SDR9C7: variants seen among roughly 807,000 people sequenced by gnomAD.
SDR9C7 encodes short chain dehydrogenase/reductase family 9C member 7, also known as short-chain dehydrogenase/reductase family 9C member 7.
A neutral mutation model predicts 23.6 loss-of-function variants in SDR9C7; 11 were observed. The ratio of observed to expected loss-of-function variants is 0.47; its 90% CI spans 0.29 to 0.77. The LOEUF is 0.77. SDR9C7 is among the 30% of genes least tolerant of loss of function. The pLI, the probability that SDR9C7 is intolerant of heterozygous loss-of-function variation, is 0.09. For synonymous variants in SDR9C7, 167 were observed against 157.3 expected, an observed-to-expected ratio of 1.06 and a Z score of -0.46; for missense variants, 387 against 407.1, an observed-to-expected ratio of 0.95 and a Z score of 0.42.
Position 56,934,333 on chromosome 12 carries a change from G to T in SDR9C7, c.-72C>A. ...AGCAGGGAAGAAGCTGGTCCTCTGAGCCCTAGCAGGCAGTCTGCAGGAAAC... is the reference window on the plus strand; with the variant it reads ...AGCAGGGAAGAAGCTGGTCCTCTGATCCCTAGCAGGCAGTCTGCAGGAAAC... On this transcript the variant is annotated 5_prime_UTR_variant, in exon 1 of 4. Coordinates refer to ENST00000293502, the MANE Select transcript of SDR9C7 (RefSeq NM_148897.3). 7.4e-7 allele frequency: 1 copy of T among 1,345,658 alleles called. No individual in the cohort carries two copies. Among genetic ancestry groups the T allele is most frequent in the South Asian group, 1.3e-5 (1 of 74,184 alleles). The allele number at this position is 1,345,658 out of a possible 1,614,324, so 83.4% of individuals were successfully genotyped here.
intron 3 of SDR9C7, among the ~76,000 whole-genome samples, chr12:56,925,613 A>C (rs1955728501): frequency 6.6e-6 from 1 of 152,144 alleles, no homozygotes; most frequent in South Asian, 2.1e-4. Context: ...TGCAGGGGAA[A>C]AGCCAAACTA....
In SDR9C7 at chr12:56,930,444, G is replaced by A. The variant is rs770313029; in HGVS notation, c.342C>T (p.Pro114=). 48 of 1,614,038 alleles carry A rather than the reference G, an allele frequency of 3.0e-5. No homozygotes were observed. Among genetic ancestry groups the A allele is most frequent in the Non-Finnish European group, 4.1e-5 (48 of 1,180,024 alleles). ...TGGTCAGCCATTCGTTGGGACCACT[G>A]GGCAGGCCCACACCAGCATTGTTCA... ...ALVNNAGVGL[P]SGPNEWLTKD... Residue 114 remains proline (P), a synonymous_variant, in exon 2 of 4, where the codon CCC becomes CCT. Transcript: ENST00000293502.
intron 1 of SDR9C7, among the ~76,000 whole-genome samples, chr12:56,931,329 C>T (rs1017872436): frequency 1.3e-5 from 2 of 151,760 alleles, no homozygotes; most frequent in African/African-American, 2.4e-5. Context: ...AACAACACAG[C>T]ATCTTATCCC....
intron 1 of SDR9C7, among the ~76,000 whole-genome samples, chr12:56,931,310 C>A (rs1360543694): frequency 6.6e-6 from 1 of 151,690 alleles, no homozygotes; most frequent in Non-Finnish European, 1.5e-5. Flanking sequence ...GCAAAGGAGA[C>A]ATAAAATGAA....
At chr12:56,924,078 G>C (rs1375581866) in intron 3 of SDR9C7, 28 bp from the exon 4 acceptor site, 3 of 1,480,206 alleles carry the variant, frequency 2.0e-6, no homozygotes, top group Non-Finnish European at 2.8e-6. Flanking sequence ...GGGGAAAAAG[G>C]CTCTGTTATT....
At chr12:56,928,075 C>G (rs1461065911) in intron 3 of SDR9C7, among the ~76,000 whole-genome samples, 2 of 152,150 alleles carry the variant, frequency 1.3e-5, no homozygotes, top group African/African-American at 4.8e-5. Flanking sequence ...TTCCCTAAAT[C>G]AATGAATGAA....
intron 3 of SDR9C7, among the ~76,000 whole-genome samples, chr12:56,926,070 G>T (rs905898305): frequency 6.6e-6 from 1 of 152,236 alleles, no homozygotes; most frequent in South Asian, 2.1e-4. Context: ...CTCCTTCACA[G>T]TGAGGAAGGA....
chr12:56,923,988 T>C lies in SDR9C7; in HGVS notation c.787A>G (p.Ser263Gly). 2 of 1,614,210 alleles carry C rather than the reference T, an allele frequency of 1.2e-6. No individual in the cohort carries two copies. The highest frequency in any genetic ancestry group is 1.7e-6 in the Non-Finnish European group (2 of 1,180,026). ...CGGGAAACAATAGCATGCTCCATGC[T>C]GTTGATGACATCTCTGACTCTGGGC... Reference protein sequence around the residue: ...AEPRVRDVINSMEHAIVSRSP... With the variant: ...AEPRVRDVINGMEHAIVSRSP... Residue 263 changes from serine (S) to glycine (G), a missense_variant, in exon 4 of 4, where the codon AGC becomes GGC. Ser to Gly is a moderately conservative substitution (Grantham distance 56). Coordinates refer to ENST00000293502, the MANE Select transcript of SDR9C7 (RefSeq NM_148897.3).
chr12:56,925,802 C>T (rs901042244), intron 3 of SDR9C7, among the ~76,000 whole-genome samples: 3 of 152,140 alleles, frequency 2.0e-5, no homozygotes, highest in South Asian at 2.1e-4. Flanking sequence ...TCTGCCCCCT[C>T]GGCGCCAGGG....
chr12:56,923,732 A>G lies in SDR9C7; in HGVS notation c.*101T>C, dbSNP rs569608549. ...GTCAGCTGAGCCAAGCTTCCTTTGC[A>G]GCCAATGCCCCCAGGATAACCGATA... is the stretch of plus-strand genomic sequence containing the variant. On this transcript the variant is annotated 3_prime_UTR_variant, in exon 4 of 4. Coordinates refer to ENST00000293502, the MANE Select transcript of SDR9C7 (RefSeq NM_148897.3). The G allele has an allele frequency of 2.1e-6, 2 of 955,322 alleles. No homozygotes were observed. The highest frequency in any genetic ancestry group is 3.1e-6 in the Non-Finnish European group (2 of 641,370). The allele number at this position is 955,322 out of a possible 1,614,324, so 59.2% of individuals were successfully genotyped here. A position where few individuals can be genotyped will look rare whatever the true frequency, so the allele number is the denominator to read the frequency against.
At chr12:56,924,713 G>A (rs1397566921) in intron 3 of SDR9C7, among the ~76,000 whole-genome samples, 2 of 151,826 alleles carry the variant, frequency 1.3e-5, no homozygotes, top group African/African-American at 2.4e-5. Flanking sequence ...CTGAGGTCAG[G>A]AGTTTGAGAC....
At chr12:56,924,673 T>C (rs35944841) in intron 3 of SDR9C7, among the ~76,000 whole-genome samples, 31,600 of 152,118 alleles carry the variant, frequency 0.21, 3,620 homozygotes, top group African/African-American at 0.3. Context: ...GTAATCCCAG[T>C]ACTTTGGGAT....
Position 56,934,271 on chromosome 12 carries a change from G to C in SDR9C7, c.-10C>G. ...CTGTGAGGGCCGCCATAGGGCAAGG[G>C]GAATGTGATGGCCAAGAGGGACTGG... On this transcript the variant is annotated 5_prime_UTR_variant, in exon 1 of 4. Coordinates refer to ENST00000293502, the MANE Select transcript of SDR9C7 (RefSeq NM_148897.3). The C allele has an allele frequency of 6.2e-7, 1 of 1,606,456 alleles. No individual in the cohort carries two copies. Among genetic ancestry groups the C allele is most frequent in the Non-Finnish European group, 8.5e-7 (1 of 1,175,538 alleles).
intron 3 of SDR9C7, among the ~76,000 whole-genome samples, chr12:56,926,042 C>A (rs576418837): frequency 2.0e-5 from 3 of 152,180 alleles, no homozygotes; most frequent in Admixed American, 6.5e-5. Context: ...ACGGAAGGAC[C>A]CATCCAGCTT....
At chr12:56,930,135 C>A in intron 2 of SDR9C7, 91 bp downstream of exon 2, 1 of 1,452,278 alleles carries the variant, frequency 6.9e-7, no homozygotes. Flanking sequence ...TTCCTGTCTG[C>A]GGAATTCCCC....
rs186795975 is a variant in SDR9C7 at position 56,930,111 on chromosome 12, G to C, written c.560+115C>G. On this transcript the variant is annotated intron_variant, in intron 2 of 3. Transcript: ENST00000293502. Reference sequence around the variant, plus strand: ...CACCTTGAGGTCTAACCTTCCTTCTGCTATTGTGTTAGCTTCCTGTCTGCG... The same window carrying C: ...CACCTTGAGGTCTAACCTTCCTTCTCCTATTGTGTTAGCTTCCTGTCTGCG... The C allele has an allele frequency of 4.8e-5, 60 of 1,245,724 alleles. No homozygotes were observed. The African/African-American group carries it at 7.5e-4, about 16-fold the overall frequency. The allele number at this position is 1,245,724 out of a possible 1,614,324, so 77.2% of individuals were successfully genotyped here.
rs1054964634 is a variant in SDR9C7, at chr12:56,934,386, C to T, written c.-125G>A. 1 of 774,988 alleles carries T rather than the reference C, an allele frequency of 1.3e-6. No individual in the cohort carries two copies. The highest frequency in any genetic ancestry group is 1.7e-5 in the African/African-American group (1 of 57,280). 48.0% of individuals were successfully genotyped at this position (774,988 alleles called of 1,614,324 possible). On this transcript the variant is annotated 5_prime_UTR_variant, in exon 1 of 4. Coordinates refer to ENST00000293502, the MANE Select transcript of SDR9C7 (RefSeq NM_148897.3). ...CCTGGAAGAAGAACTCTCCTTCCTC[C>T]CACAGCTTGCAACAAATCTAGGTCC... is the stretch of plus-strand genomic sequence containing the variant.
intron 1 of SDR9C7, among the ~76,000 whole-genome samples, chr12:56,932,838 T>C (rs1955776112): frequency 6.6e-6 from 1 of 152,120 alleles, no homozygotes; most frequent in African/African-American, 2.4e-5. Context: ...TAAAATCTAT[T>C]GTACATTGAC....
At chr12:56,928,164 T>C (rs1339649106) in intron 3 of SDR9C7, among the ~76,000 whole-genome samples, 1 of 152,156 alleles carries the variant, frequency 6.6e-6, no homozygotes, top group Non-Finnish European at 1.5e-5. Context: ...CACCCCTTAA[T>C]CCTCAGTGTG....
Sources: gnomAD v4.1 joint callset for allele counts (sites outside exome capture counted in the v4.1 genomes callset) on GRCh38, gnomAD v4.1.1 for gene constraint, MANE v1.5 for transcripts, NCBI Gene and HGNC (gene_info 2026-07-23, HGNC 2026-07-21) for gene names.